The following MXRA7 variants were observed in gnomAD, a reference collection of about 807,000 sequenced individuals.
MXRA7 encodes matrix-remodeling-associated protein 7.
A neutral mutation model predicts 17.4 loss-of-function variants in MXRA7; 18 were observed. That is an observed-to-expected ratio of 1.03 (90% CI 0.71 to 1.53). The LOEUF is 1.53. MXRA7 is among the 40% of genes most tolerant of loss of function. The probability of loss-of-function intolerance (pLI) is 0.00; values close to 1 mark genes in which losing one functional copy is unlikely to be tolerated. For missense variants in MXRA7, 141 were observed against 209.3 expected (o/e 0.67, Z 2.01); for synonymous variants, 70 against 101.7 (o/e 0.69, Z 1.87).
At chr17:76,677,339 T>A (rs1025100069), downstream of MXRA7, 2 of 412,962 alleles carry the variant, frequency 4.8e-6, no homozygotes, top group Non-Finnish European at 8.7e-6. Flanking sequence ...CAGAGCCCAA[T>A]AACAGCTGGA....
intron 1 of MXRA7, among the ~76,000 whole-genome samples, chr17:76,704,259 G>A (rs1411074349): frequency 8.0e-6 from 1 of 124,664 alleles, no homozygotes; most frequent in Non-Finnish European, 1.6e-5. Context: ...AGGCTGGAGT[G>A]CAGTGGTGCG....
downstream of MXRA7, among the ~76,000 whole-genome samples, chr17:76,679,287 C>CAAAAAAAGGG (rs370919160): frequency 8.2e-6 from 1 of 121,714 alleles, no homozygotes; most frequent in Admixed American, 8.2e-5. Context: ...GGCCCTGTCT[C>CAAAAAAAGGG]AAAAAAAAAA....
At position 76,691,270 on chromosome 17, in the gene MXRA7, C is replaced by T. The variant is rs1567983726; in HGVS notation, c.343-3094G>A. Reference sequence around the variant, plus strand: ...GTAGCGTACCCCAACTCCATGGGGACGGAAGCTCCTGCATTCAGGACCCTA... The same window carrying T: ...GTAGCGTACCCCAACTCCATGGGGATGGAAGCTCCTGCATTCAGGACCCTA... On this transcript the variant is annotated intron_variant, in intron 1 of 3. Coordinates refer to ENST00000449428, the MANE Select transcript of MXRA7 (RefSeq NM_198530.4). 5.3e-5 allele frequency among the ~76,000 whole-genome samples: 8 copies of T among 152,294 alleles called. 2 individuals are homozygous for T. The highest frequency in any genetic ancestry group is 5.2e-4 in the Admixed American group (8 of 15,292).
chr17:76,680,958 T>C (rs2076295080), intron 3 of MXRA7, 79 bp from the exon 4 acceptor site: 1 of 1,175,250 alleles, frequency 8.5e-7, no homozygotes, highest in Admixed American at 2.0e-5. Context: ...AAGGGGGAAA[T>C]GGGGACGAGG....
chr17:76,692,635 T>TAA (rs35115981), intron 1 of MXRA7, among the ~76,000 whole-genome samples: 2,171 of 142,686 alleles, frequency 0.015, 39 homozygotes, highest in African/African-American at 0.047. Flanking sequence ...CTAGTATTGT[T>TAA]AAAAAAAAAA....
At chr17:76,698,928 C>T (rs967575401) in intron 1 of MXRA7, among the ~76,000 whole-genome samples, 1 of 151,972 alleles carries the variant, frequency 6.6e-6, no homozygotes, top group Non-Finnish European at 1.5e-5. Flanking sequence ...ACCATGTTGG[C>T]CAGGCTGGTC....
At position 76,685,161 on chromosome 17, in the gene MXRA7, T is replaced by C. The variant is rs368439591; in HGVS notation, c.411A>G (p.Glu137=). 1.9e-6 allele frequency: 3 copies of C among 1,613,298 alleles called. No individual in the cohort carries two copies. Among genetic ancestry groups the C allele is most frequent in the Non-Finnish European group, 2.5e-6 (3 of 1,179,542 alleles). The change falls in exon 3 of 4, where the codon GAA becomes GAG. Residue 137 remains glutamate (E), a synonymous_variant. Transcript: ENST00000449428. ...SSEGPEEEDG[E]GFSFKYSPGK... is the part of the protein sequence containing the mutation. Reference sequence around the variant, plus strand: ...CGGGGCTGTATTTGAAGGAGAAGCCTTCTCCTGTGGAGGGGGGACCCAGTA... The same window carrying C: ...CGGGGCTGTATTTGAAGGAGAAGCCCTCTCCTGTGGAGGGGGGACCCAGTA...
At chr17:76,677,710 G>A (rs1173587656), downstream of MXRA7, 124 of 1,604,952 alleles carry the variant, frequency 7.7e-5, 4 homozygotes, top group South Asian at 1.3e-3. Context: ...ACTCTGTCGA[G>A]AAGAAAGGAC....
At chr17:76,704,613 C>T (rs1466035591) in intron 1 of MXRA7, among the ~76,000 whole-genome samples, 2 of 151,066 alleles carry the variant, frequency 1.3e-5, no homozygotes, top group Admixed American at 6.6e-5. Flanking sequence ...GGCGAAACCC[C>T]GCCTCTACTA....
At position 76,706,306 on chromosome 17, in the gene MXRA7, C is replaced by A. The variant is rs1427166151; in HGVS notation, c.342+4299G>T. 1.0e-4 allele frequency among the ~76,000 whole-genome samples: 10 copies of A among 96,770 alleles called. 1 individual carries two copies. Among genetic ancestry groups the A allele is most frequent in the East Asian group, 8.7e-4 (3 of 3,466 alleles). 63.5% of individuals were successfully genotyped at this position (96,770 alleles called of 152,430 possible). On this transcript the variant is annotated intron_variant, in intron 1 of 3. Transcript: ENST00000449428. ...GAGGCCCACGCTGCCGTCACAGAGG[C>A]CCACGCTGCCATCACAAAGGACCAC...
At chr17:76,684,515 G>A (rs925575798) in intron 3 of MXRA7, 4 of 291,924 alleles carry the variant, frequency 1.4e-5, no homozygotes, top group East Asian at 1.2e-4. Flanking sequence ...AAAAGGTGGC[G>A]GGGTGCCCAG....
intron 1 of MXRA7, among the ~76,000 whole-genome samples, chr17:76,698,383 C>T (rs2076556904): frequency 6.6e-6 from 1 of 152,014 alleles, no homozygotes; most frequent in Non-Finnish European, 1.5e-5. Flanking sequence ...GCAGCAAAGC[C>T]CAGCTGGCGC....
rs2076300846 is a variant in MXRA7, at chr17:76,681,336, G to C, written c.501-457C>G. Among the ~76,000 whole-genome samples the C allele has an allele frequency of 6.6e-6, 1 of 152,106 alleles. No individual in the cohort carries two copies. The highest frequency in any genetic ancestry group is 1.5e-5 in the Non-Finnish European group (1 of 68,002). ...TCCAGATGGAGCCAACTGCATGCCCGTCTTTTATGAACCAAGACACACTGC... is the reference window on the plus strand; with the variant it reads ...TCCAGATGGAGCCAACTGCATGCCCCTCTTTTATGAACCAAGACACACTGC... On this transcript the variant is annotated intron_variant, in intron 3 of 3. Coordinates refer to ENST00000449428, the MANE Select transcript of MXRA7 (RefSeq NM_198530.4). The surrounding 1 kb of genome is among the most constrained non-coding windows in gnomAD (Gnocchi z 4.7).
chr17:76,687,968 C>A (rs941834591), intron 2 of MXRA7, 145 bp downstream of exon 2: 3 of 820,288 alleles, frequency 3.7e-6, no homozygotes, highest in Non-Finnish European at 3.8e-6. Flanking sequence ...TGGCGCCAGA[C>A]TCTACCTCTC....
intron 1 of MXRA7, among the ~76,000 whole-genome samples, chr17:76,694,607 G>T (rs1423863970): frequency 6.6e-6 from 1 of 152,054 alleles, no homozygotes; most frequent in Non-Finnish European, 1.5e-5. Flanking sequence ...TTATTATTGA[G>T]ACAGGGTCTT....
intron 3 of MXRA7, among the ~76,000 whole-genome samples, chr17:76,682,512 C>T (rs907903164): frequency 6.6e-6 from 1 of 152,094 alleles, no homozygotes; most frequent in Non-Finnish European, 1.5e-5. Context: ...CAGCTGCCAG[C>T]GCTCCCCACC....
intron 3 of MXRA7, among the ~76,000 whole-genome samples, chr17:76,683,547 G>A (rs1371834180): frequency 6.6e-6 from 1 of 152,186 alleles, no homozygotes; most frequent in African/African-American, 2.4e-5. Context: ...TGAGGTCCCA[G>A]GGTGACAGTT....
At chr17:76,698,878 A>G (rs1567987051) in intron 1 of MXRA7, among the ~76,000 whole-genome samples, 1 of 151,978 alleles carries the variant, frequency 6.6e-6, no homozygotes, top group Non-Finnish European at 1.5e-5. Context: ...GCATGCCAGC[A>G]TCCCCGGCTA....
intron 1 of MXRA7, among the ~76,000 whole-genome samples, chr17:76,707,649 T>C (rs1457247378): frequency 2.0e-5 from 3 of 152,140 alleles, no homozygotes; most frequent in Non-Finnish European, 4.4e-5. Context: ...ACCGAGATAC[T>C]TGAGTCCTGG....
Sources: allele counts gnomAD v4.1 joint callset (sites outside exome capture counted in the v4.1 genomes callset), GRCh38; gene constraint gnomAD v4.1.1; non-coding constraint Gnocchi (gnomAD v3.1); transcripts MANE v1.5; gene names NCBI Gene and HGNC (gene_info 2026-07-23, HGNC 2026-07-21).